Variants in SLC4A4 observed in about 807,000 individuals in gnomAD.
SLC4A4 encodes the protein electrogenic sodium bicarbonate cotransporter 1.
Under a neutral mutation model 111.5 loss-of-function variants are expected in SLC4A4, and 27 were observed. The observed-to-expected ratio is 0.24, with a 90% CI of 0.18 to 0.33. The LOEUF (loss-of-function observed/expected upper bound fraction) is 0.33, where lower values mean the gene tolerates loss of function less well. SLC4A4 is among the 10% of genes least tolerant of loss of function. SLC4A4 has a pLI of 1.00. For missense variants in SLC4A4, 909 were observed against 1,315.5 expected (o/e 0.69, Z 4.78); for synonymous variants, 443 against 463.4 (o/e 0.96, Z 0.57).
intron 2 of SLC4A4, among the ~76,000 whole-genome samples, chr4:71,095,660 T>A (rs192124337): frequency 6.6e-6 from 1 of 152,308 alleles, no homozygotes; most frequent in South Asian, 2.1e-4. Context: ...CTAGGTACTA[T>A]GTTAGGGCTG....
chr4:71,538,919 G>A (rs1387856417), intron 18 of SLC4A4, among the ~76,000 whole-genome samples: 1 of 152,084 alleles, frequency 6.6e-6, no homozygotes, highest in Non-Finnish European at 1.5e-5. Flanking sequence ...GTCATTGGCA[G>A]AAGAAGGAAT....
intron 6 of SLC4A4, among the ~76,000 whole-genome samples, chr4:71,366,315 T>TGTGTGTGTGTGTG (rs1731303277): frequency 1.5e-5 from 2 of 137,914 alleles, no homozygotes; most frequent in Non-Finnish European, 3.1e-5. Context: ...TCTGGAGATA[T>TGTGTGTGTGTGTG]TGTGTGTGTG....
At chr4:71,385,232 C>G (rs1360454071) in intron 6 of SLC4A4, among the ~76,000 whole-genome samples, 1 of 83,778 alleles carries the variant, frequency 1.2e-5, no homozygotes, top group Non-Finnish European at 2.2e-5. Flanking sequence ...GAGTTTCACT[C>G]TTGTTGCCCA....
In SLC4A4 at chr4:71,294,105, G is replaced by A. The variant is rs911984304; in HGVS notation, c.253+38706G>A. On this transcript the variant is annotated intron_variant, in intron 3 of 25. Transcript: ENST00000264485. The stretch of plus-strand genomic sequence containing the variant: ...TTTGTATGTTCCCCTAAAAATGGAA[G>A]CATGTTAGTAACGACCTTCAATTCT... 2.0e-5 allele frequency among the ~76,000 whole-genome samples: 3 copies of A among 152,206 alleles called. No individual in the cohort carries two copies. The East Asian group carries it at 5.8e-4, about 29-fold the overall frequency.
At chr4:71,307,533 T>C (rs1248255663) in intron 3 of SLC4A4, among the ~76,000 whole-genome samples, 1 of 152,160 alleles carries the variant, frequency 6.6e-6, no homozygotes, top group East Asian at 1.9e-4. Context: ...GCTGAGGAAA[T>C]GGAAGTCTGT....
Position 71,440,638 on chromosome 4 carries a change from A to C in SLC4A4, c.830A>C (p.Lys277Thr). Residue 277 changes from lysine (K) to threonine (T), a missense_variant, in exon 8 of 26, where the codon AAA becomes ACA. Lys to Thr is a moderately conservative substitution (Grantham distance 78, BLOSUM62 -1). Around this residue, in one of 7 missense-constraint regions of SLC4A4, gnomAD observed 312 missense variants for 402.0 expected, o/e 0.78. Transcript: ENST00000264485. ...CAGCTGAAGAATAAGTTCATGAAAA[A>C]ATTGCCACGTGATGCAGAAGCTTCC... is the stretch of plus-strand genomic sequence containing the variant. ...KDQLKNKFMK[K>T]LPRDAEASNV... 1 of 1,614,116 alleles carries C rather than the reference A, an allele frequency of 6.2e-7. No homozygotes were observed. Among genetic ancestry groups the C allele is most frequent in the Non-Finnish European group, 8.5e-7 (1 of 1,179,992 alleles).
At chr4:71,207,736 G>A (rs558124830) in intron 1 of SLC4A4, among the ~76,000 whole-genome samples, 50 of 152,256 alleles carry the variant, frequency 3.3e-4, no homozygotes, top group African/African-American at 7.9e-4. Flanking sequence ...TTTTCTTTGT[G>A]TAGAAAAATA....
At chr4:71,161,139 T>C (rs1744607718) in intron 2 of SLC4A4, among the ~76,000 whole-genome samples, 1 of 152,196 alleles carries the variant, frequency 6.6e-6, no homozygotes, top group South Asian at 2.1e-4. Context: ...AGTGAGCCCA[T>C]ATCAGATGAG....
chr4:71,242,449 A>C (rs1308558054), intron 2 of SLC4A4, among the ~76,000 whole-genome samples: 1 of 152,218 alleles, frequency 6.6e-6, no homozygotes, highest in Admixed American at 6.5e-5. Context: ...CTATTGCCAA[A>C]TCATTGCATA....
At chr4:71,250,731 A>T (rs74690633) in intron 2 of SLC4A4, among the ~76,000 whole-genome samples, 1,568 of 152,334 alleles carry the variant, frequency 0.01, 21 homozygotes, top group African/African-American at 0.036. Context: ...GGAAGGTGAC[A>T]TAATAAGTTA....
chr4:71,109,436 T>C (rs1743030206), intron 2 of SLC4A4, among the ~76,000 whole-genome samples: 1 of 152,110 alleles, frequency 6.6e-6, no homozygotes, highest in Non-Finnish European at 1.5e-5. Context: ...TAAACAATAA[T>C]GGCCACTGCC....
At chr4:71,453,120 T>C (rs1725917361) in intron 11 of SLC4A4, among the ~76,000 whole-genome samples, 2 of 152,242 alleles carry the variant, frequency 1.3e-5, no homozygotes, top group South Asian at 2.1e-4. Context: ...AGTGAGTGAA[T>C]GGATGAATGA....
At chr4:71,452,779 C>A (rs1408048014) in intron 11 of SLC4A4, among the ~76,000 whole-genome samples, 1 of 152,158 alleles carries the variant, frequency 6.6e-6, no homozygotes, top group Non-Finnish European at 1.5e-5. Context: ...GGCTTCCTCC[C>A]TTAGTTCCTT....
intron 2 of SLC4A4, among the ~76,000 whole-genome samples, chr4:71,105,434 A>G (rs1346532140): frequency 2.0e-5 from 3 of 151,436 alleles, no homozygotes; most frequent in Non-Finnish European, 4.4e-5. Context: ...TAAAGTTCAT[A>G]TGGAACCAAA....
chr4:71,155,744 A>C (rs1177785993), intron 2 of SLC4A4, among the ~76,000 whole-genome samples: 1 of 152,186 alleles, frequency 6.6e-6, no homozygotes, highest in Non-Finnish European at 1.5e-5. Flanking sequence ...GATTACAAGC[A>C]TGAGCCACTG....
At chr4:71,273,276 C>T (rs908102959) in intron 3 of SLC4A4, among the ~76,000 whole-genome samples, 2 of 152,114 alleles carry the variant, frequency 1.3e-5, no homozygotes, top group Non-Finnish European at 2.9e-5. Flanking sequence ...TATACATGCC[C>T]CTCTTCTTCA....
intron 5 of SLC4A4, among the ~76,000 whole-genome samples, chr4:71,351,105 C>G (rs896334622): frequency 1.3e-5 from 2 of 152,178 alleles, no homozygotes; most frequent in Non-Finnish European, 2.9e-5. Flanking sequence ...AGTTAGCATT[C>G]AACGCACAAA....
chr4:71,333,197 G>A (rs912454557), intron 3 of SLC4A4, among the ~76,000 whole-genome samples: 4 of 152,206 alleles, frequency 2.6e-5, no homozygotes, highest in African/African-American at 9.6e-5. Context: ...TGATTGTTGT[G>A]ATCTATGACT....
At chr4:71,088,123 C>G (rs1474925545) in intron 1 of SLC4A4, among the ~76,000 whole-genome samples, 4 of 151,902 alleles carry the variant, frequency 2.6e-5, no homozygotes, top group Admixed American at 6.6e-5. Context: ...GGATAGTTAG[C>G]TTTTCTTGTT....
Sources: gnomAD v4.1 joint callset for allele counts (sites outside exome capture counted in the v4.1 genomes callset) on GRCh38, gnomAD v4.1.1 for gene constraint, gnomAD v4.1.1 regional missense constraint, MANE v1.5 for transcripts, NCBI Gene and HGNC (gene_info 2026-07-23, HGNC 2026-07-21) for gene names.